The following REV3L variants were observed in gnomAD, a reference collection of about 807,000 sequenced individuals.
REV3L encodes DNA polymerase zeta catalytic subunit.
A neutral mutation model predicts 299.4 loss-of-function variants in REV3L; 69 were observed. The observed-to-expected ratio is 0.23, with a 90% CI of 0.19 to 0.28. The LOEUF is 0.28. Ranked by LOEUF, REV3L falls within the 10% of genes least tolerant of loss-of-function variation. REV3L has a pLI of 1.00. For missense variants in REV3L, 3,128 were observed against 3,693.8 expected (o/e 0.85, Z 3.97); for synonymous variants, 1,238 against 1,271.4 (o/e 0.97, Z 0.56).
At chr6:111,387,268 TG>T (rs1343629808) in intron 9 of REV3L, among the ~76,000 whole-genome samples, 1 of 152,120 alleles carries the variant, frequency 6.6e-6, no homozygotes, top group African/African-American at 2.4e-5. Flanking sequence ...GGGTTTGAGG[TG>T]GAAATAGGCA....
At chr6:111,365,387 C>A in intron 14 of REV3L, 43 bp from the exon 15 acceptor site, 1 of 1,180,600 alleles carries the variant, frequency 8.5e-7, no homozygotes, top group Non-Finnish European at 1.2e-6. Context: ...ATCAAAATTA[C>A]CTGCTTCTGG....
chr6:111,319,027 G>GT (rs1773840423), intron 26 of REV3L, among the ~76,000 whole-genome samples: 1 of 152,238 alleles, frequency 6.6e-6, no homozygotes, highest in Admixed American at 6.5e-5. Flanking sequence ...GTGATAAAAA[G>GT]TGTTCTATAT....
At chr6:111,338,188 G>GAAATCT (rs1776097746) in intron 21 of REV3L, among the ~76,000 whole-genome samples, 1 of 151,992 alleles carries the variant, frequency 6.6e-6, no homozygotes, top group Non-Finnish European at 1.5e-5. Flanking sequence ...ATATTTCCTT[G>GAAATCT]AAATCTGTAG....
intron 18 of REV3L, among the ~76,000 whole-genome samples, chr6:111,354,828 TTTGCTTAG>T (rs1777931325): frequency 6.6e-6 from 1 of 152,146 alleles, no homozygotes; most frequent in Non-Finnish European, 1.5e-5. Flanking sequence ...AATGGTTCCA[TTTGCTTAG>T]GCAGAAAAAA....
chr6:111,308,760 G>A (rs1320204587), intron 30 of REV3L, among the ~76,000 whole-genome samples: 1 of 152,064 alleles, frequency 6.6e-6, no homozygotes, highest in Non-Finnish European at 1.5e-5. Flanking sequence ...CGTTATTTGC[G>A]GCTACCATTG....
chr6:111,310,844 T>C (rs1301552048), intron 29 of REV3L: 1 of 408,872 alleles, frequency 2.4e-6, no homozygotes, highest in Admixed American at 4.1e-5. Context: ...AAGGACTGTG[T>C]CACAATTTCT....
chr6:111,436,319 T>C (rs1382297674), intron 1 of REV3L, among the ~76,000 whole-genome samples: 1 of 152,188 alleles, frequency 6.6e-6, no homozygotes, highest in Non-Finnish European at 1.5e-5. Flanking sequence ...GATATCTCTG[T>C]ACTCCCATGT....
chr6:111,409,166 A>G (rs1024345739), intron 3 of REV3L, among the ~76,000 whole-genome samples: 5 of 152,366 alleles, frequency 3.3e-5, no homozygotes, highest in African/African-American at 1.2e-4. Context: ...CTGTTGCAGT[A>G]TATTGCTTTT....
At chr6:111,337,077 G>T (rs1490697659) in intron 21 of REV3L, among the ~76,000 whole-genome samples, 2 of 151,818 alleles carry the variant, frequency 1.3e-5, no homozygotes, top group Non-Finnish European at 2.9e-5. Flanking sequence ...AGAGGGTGGG[G>T]GGACTCTGGT....
chr6:111,358,019 T>C (rs1053498811), intron 17 of REV3L, among the ~76,000 whole-genome samples: 14 of 151,618 alleles, frequency 9.2e-5, no homozygotes, highest in African/African-American at 2.7e-4. Flanking sequence ...ACTGAATAAA[T>C]TGCAAATTCT....
At chr6:111,446,732 A>C (rs995069451) in intron 1 of REV3L, among the ~76,000 whole-genome samples, 80 of 146,974 alleles carry the variant, frequency 5.4e-4, no homozygotes, top group Non-Finnish European at 8.5e-4. Context: ...AAACAAACAA[A>C]CAACTCCCAA....
At chr6:111,410,859 C>T (rs901927553) in intron 3 of REV3L, among the ~76,000 whole-genome samples, 4 of 152,084 alleles carry the variant, frequency 2.6e-5, no homozygotes, top group African/African-American at 7.2e-5. Flanking sequence ...AGTACACCTC[C>T]GAGGCCACTT....
intron 1 of REV3L, among the ~76,000 whole-genome samples, chr6:111,440,231 G>A (rs976893956): frequency 3.3e-5 from 5 of 152,120 alleles, no homozygotes; most frequent in Middle Eastern, 3.4e-3. Context: ...CACCATGCCC[G>A]GCTAATTTTG....
intron 4 of REV3L, among the ~76,000 whole-genome samples, chr6:111,400,159 G>T (rs79047923): frequency 0.016 from 2,407 of 152,164 alleles, 29 homozygotes; most frequent in Non-Finnish European, 0.024. Flanking sequence ...GGACATCTCG[G>T]TTGCTTTACA....
Position 111,377,797 on chromosome 6 carries a change from A to G in REV3L, c.1501T>C (p.Ser501Pro). Residue 501 changes from serine (S) to proline (P), a missense_variant, in exon 12 of 32, where the codon TCA becomes CCA. By Grantham distance (74) the Ser-to-Pro change is moderately conservative. This residue lies in a region of REV3L where 2,409 missense variants were observed against 2,611.8 expected (regional missense o/e 0.92). Transcript: ENST00000368802. ...CATTCCATTTCTTCTCCTGAAGATG[A>G]GTCATCATCTTCAGTTGAACTTCTG... ...THRSSTEDDD[S>P]SSGEEMEWSD... 1.2e-6 allele frequency: 2 copies of G among 1,613,296 alleles called. No homozygotes were observed. The highest frequency in any genetic ancestry group is 2.2e-5 in the East Asian group (1 of 44,854).
At chr6:111,437,499 G>A (rs949878410) in intron 1 of REV3L, among the ~76,000 whole-genome samples, 1 of 150,442 alleles carries the variant, frequency 6.6e-6, no homozygotes, top group Non-Finnish European at 1.5e-5. Flanking sequence ...TTAATTTTTA[G>A]CATTTTTAGT....
chr6:111,483,390 G>C (rs1794016783), upstream of REV3L: 1 of 460,824 alleles, frequency 2.2e-6, no homozygotes, highest in Admixed American at 4.5e-5. Flanking sequence ...GGCACGCGGC[G>C]AGGGAGGCGG....
At position 111,367,197 on chromosome 6, in the gene REV3L, A is replaced by G. The variant is rs1173462558; in HGVS notation, c.6591T>C (p.Leu2197=). ...GTATGATTGGTGTACTATGAAAGCA[A>G]AGTGATTCACATTTCCCAGTTCTTG... The part of the protein sequence containing the change: ...TRARTGKCES[L]CFHSTPIIQR... The change falls in exon 14 of 32, where the codon CTT becomes CTC. Residue 2197 remains leucine (L), a synonymous_variant. Coordinates refer to ENST00000368802, the MANE Select transcript of REV3L (RefSeq NM_001372078.1). The G allele has an allele frequency of 1.2e-6, 2 of 1,613,862 alleles. No homozygotes were observed. The highest frequency in any genetic ancestry group is 1.7e-6 in the Non-Finnish European group (2 of 1,179,950).
rs147962920 is a variant in REV3L at position 111,469,369 on chromosome 6, G to C, written c.139+13381C>G. On this transcript the variant is annotated intron_variant, in intron 1 of 31. Coordinates refer to ENST00000368802, the MANE Select transcript of REV3L (RefSeq NM_001372078.1). ...AACAATGAATTAACTAAATTTATCT[G>C]AACTGTTGAATAAATTGCTTACATA... Among the ~76,000 whole-genome samples the C allele has an allele frequency of 3.9e-5, 6 of 152,272 alleles. No homozygotes were observed. The East Asian group carries it at 1.2e-3, about 29-fold the overall frequency.
Sources: allele counts gnomAD v4.1 joint callset (sites outside exome capture counted in the v4.1 genomes callset), GRCh38; gene constraint gnomAD v4.1.1; regional missense constraint gnomAD v4.1.1; transcripts MANE v1.5; gene names NCBI Gene and HGNC (gene_info 2026-07-23, HGNC 2026-07-21).